The following RNF185 variants were observed in gnomAD, a reference collection of about 807,000 sequenced individuals.
RNF185 encodes the protein ring finger protein 185.
A neutral mutation model predicts 24.9 loss-of-function variants in RNF185; 13 were observed. That is an observed-to-expected ratio of 0.52 (90% CI 0.34 to 0.83). The LOEUF is 0.83. Among genes scored for constraint, RNF185 ranks in the 40% least tolerant of loss-of-function variants. RNF185 has a pLI of 0.01. For synonymous variants in RNF185, 79 were observed against 90.3 expected (o/e 0.88, Z 0.71); for missense variants, 184 against 244.7 (o/e 0.75, Z 1.65).
intron 1 of RNF185, among the ~76,000 whole-genome samples, chr22:31,163,431 C>T (rs1043249236): frequency 1.3e-5 from 2 of 151,462 alleles, no homozygotes; most frequent in Non-Finnish European, 2.9e-5. Flanking sequence ...GGGCTGAAGC[C>T]ATCTTCCCAC....
intron 1 of RNF185, among the ~76,000 whole-genome samples, chr22:31,163,422 G>A (rs899589491): frequency 6.6e-6 from 1 of 151,604 alleles, no homozygotes; most frequent in Non-Finnish European, 1.5e-5. Flanking sequence ...TGACCTCCTG[G>A]GCTGAAGCCA....
rs144395287 is a variant in RNF185 at position 31,187,154 on chromosome 22, C to T, written c.60C>T (p.Pro20=). 36 of 1,613,582 alleles carry T rather than the reference C, an allele frequency of 2.2e-5. No individual in the cohort carries two copies. The African/African-American group carries it at 4.3e-4, about 19-fold the overall frequency. The change falls in exon 2 of 7, where the codon CCC becomes CCT. Residue 20 remains proline, a synonymous_variant. Transcript: ENST00000326132. ...ASPENSSAGG[P]SGSSNGAGES... ...CTGAGAACTCCAGTGCAGGGGGGCC[C>T]AGTGGGAGCAGCAATGGCGCTGGCG... is the stretch of plus-strand genomic sequence containing the variant.
chr22:31,200,823 T>C (rs1032069552), intron 5 of RNF185, among the ~76,000 whole-genome samples: 1 of 152,226 alleles, frequency 6.6e-6, no homozygotes, highest in African/African-American at 2.4e-5. Context: ...GAAAACATTA[T>C]AGTGTTTTAA....
intron 6 of RNF185, among the ~76,000 whole-genome samples, chr22:31,202,629 T>C (rs2048273924): frequency 9.3e-6 from 1 of 107,112 alleles, no homozygotes; most frequent in African/African-American, 3.3e-5. Flanking sequence ...TTTTTTTTTT[T>C]TGAGATGGAG....
intron 1 of RNF185, among the ~76,000 whole-genome samples, chr22:31,177,865 T>G (rs183171723): frequency 9.2e-5 from 14 of 152,232 alleles, no homozygotes; most frequent in Non-Finnish European, 1.8e-4. Context: ...TCTCTAGAAC[T>G]TGATAATTGA....
chr22:31,184,080 G>A (rs2048070514), intron 1 of RNF185, among the ~76,000 whole-genome samples: 1 of 151,618 alleles, frequency 6.6e-6, no homozygotes, highest in Non-Finnish European at 1.5e-5. Context: ...TTCCCGGACG[G>A]GGCGGCTGGC....
chr22:31,196,226 C>T (rs1430524861), intron 4 of RNF185, among the ~76,000 whole-genome samples: 2 of 152,170 alleles, frequency 1.3e-5, no homozygotes, highest in African/African-American at 2.4e-5. Flanking sequence ...CTAACTTCTA[C>T]TCATCTCTTA....
At chr22:31,172,030 TA>T (rs548668362) in intron 1 of RNF185, among the ~76,000 whole-genome samples, 10 of 152,362 alleles carry the variant, frequency 6.6e-5, no homozygotes, top group Middle Eastern at 3.4e-3. Flanking sequence ...TATTAAAATT[TA>T]AAAAGTTTTC....
chr22:31,202,767 C>G lies in RNF185; in HGVS notation c.481+1152C>G, dbSNP rs553685149. On this transcript the variant is annotated intron_variant, in intron 6 of 6. Transcript: ENST00000326132. ...AGCTGGGACTACAGGCGCCTGCCAC[C>G]ACGCCTGGCTAATTTTTTTGTATTT... Among the ~76,000 whole-genome samples, 466 of 152,156 alleles carry G rather than the reference C, an allele frequency of 3.1e-3. 3 individuals are homozygous for G. The highest frequency in any genetic ancestry group is 5.3e-3 in the Non-Finnish European group (359 of 68,006).
At chr22:31,168,273 G>C (rs944575838) in intron 1 of RNF185, among the ~76,000 whole-genome samples, 4 of 152,204 alleles carry the variant, frequency 2.6e-5, no homozygotes, top group Non-Finnish European at 5.9e-5. Flanking sequence ...TTCTGCCTCA[G>C]CCTCCCAAGT....
intron 1 of RNF185, among the ~76,000 whole-genome samples, chr22:31,163,228 G>A (rs1923690956): frequency 6.6e-6 from 1 of 152,080 alleles, no homozygotes; most frequent in South Asian, 2.1e-4. Context: ...ACTCAGTGGA[G>A]TTGATTACTT....
At chr22:31,189,611 TTTTTTTTTTTTTAGAGACGAAGTCTTGC>T (rs1249795628) in intron 2 of RNF185, among the ~76,000 whole-genome samples, 1 of 150,366 alleles carries the variant, frequency 6.7e-6, no homozygotes, top group Non-Finnish European at 1.5e-5. Flanking sequence ...GTCAAATTTT[TTTTTTTTTTTTTAGAGACGAAGTCTTGC>T]TTTGTCACCA....
chr22:31,170,123 C>T (rs1924185145), intron 1 of RNF185, among the ~76,000 whole-genome samples: 1 of 152,164 alleles, frequency 6.6e-6, no homozygotes, highest in South Asian at 2.1e-4. Flanking sequence ...GACTCTGATA[C>T]TCGCTCTCTT....
At chr22:31,186,359 T>G (rs1237800806) in intron 1 of RNF185, among the ~76,000 whole-genome samples, 1 of 152,166 alleles carries the variant, frequency 6.6e-6, no homozygotes, top group Non-Finnish European at 1.5e-5. Context: ...CCTAGCACTT[T>G]GGGAAACTGA....
intron 1 of RNF185, among the ~76,000 whole-genome samples, chr22:31,163,956 G>A (rs1386283156): frequency 6.6e-6 from 1 of 151,626 alleles, no homozygotes; most frequent in Non-Finnish European, 1.5e-5. Context: ...TTACAGGCTT[G>A]AGCCACCGTG....
At chr22:31,171,217 T>C (rs1331897382) in intron 1 of RNF185, among the ~76,000 whole-genome samples, 2 of 149,436 alleles carry the variant, frequency 1.3e-5, no homozygotes, top group Non-Finnish European at 3.0e-5. Flanking sequence ...TTGCCCAGGC[T>C]GGAGTGCAAT....
chr22:31,162,992 C>T (rs2147914305), intron 1 of RNF185, among the ~76,000 whole-genome samples: 1 of 151,990 alleles, frequency 6.6e-6, no homozygotes, highest in East Asian at 1.9e-4. Context: ...TCTTGATCTC[C>T]TGACCTCGTG....
chr22:31,192,543 A>G, intron 2 of RNF185, 141 bp from the exon 3 acceptor site: 1 of 715,712 alleles, frequency 1.4e-6, no homozygotes, highest in Non-Finnish European at 2.5e-6. Context: ...ATGGGCATGC[A>G]GTGCTCCATA....
At chr22:31,162,958 G>T (rs1219506953) in intron 1 of RNF185, among the ~76,000 whole-genome samples, 2 of 151,914 alleles carry the variant, frequency 1.3e-5, no homozygotes, top group South Asian at 2.1e-4. Flanking sequence ...TAGAGGTAGG[G>T]TTTCACTGTG....
Sources: gnomAD v4.1 joint callset for allele counts (sites outside exome capture counted in the v4.1 genomes callset) on GRCh38, gnomAD v4.1.1 for gene constraint, MANE v1.5 for transcripts, NCBI Gene and HGNC (gene_info 2026-07-23, HGNC 2026-07-21) for gene names.